The following TDRP variants were observed in gnomAD, a reference collection of about 807,000 sequenced individuals.
TDRP encodes the protein testis development related protein.
A neutral mutation model predicts 10.5 loss-of-function variants in TDRP; 12 were observed. The ratio of observed to expected loss-of-function variants is 1.15; its 90% CI spans 0.73 to 1.86. The LOEUF (loss-of-function observed/expected upper bound fraction) is 1.86. Among genes scored for constraint, TDRP ranks in the 40% most tolerant of loss-of-function variants. The pLI, the probability that TDRP is intolerant of heterozygous loss-of-function variation, is 0.00. For missense variants in TDRP, 353 were observed against 229.2 expected, an observed-to-expected ratio of 1.54 and a Z score of -3.49; for synonymous variants, 139 against 95.4, an observed-to-expected ratio of 1.46 and a Z score of -2.67.
intron 1 of TDRP, among the ~76,000 whole-genome samples, chr8:497,777 T>C (rs1801175541): frequency 6.6e-6 from 1 of 152,094 alleles, no homozygotes; most frequent in African/African-American, 2.4e-5. Context: ...GAAAAATGGT[T>C]TTCTGGGCCA....
chr8:500,569 T>C (rs925177361), intron 1 of TDRP, among the ~76,000 whole-genome samples: 3 of 152,232 alleles, frequency 2.0e-5, no homozygotes, highest in Non-Finnish European at 2.9e-5. Context: ...ATCTCACAAT[T>C]TGTAATCTTG....
At chr8:514,885 G>A (rs796440331) in intron 1 of TDRP, among the ~76,000 whole-genome samples, 50 of 152,240 alleles carry the variant, frequency 3.3e-4, no homozygotes, top group African/African-American at 1.1e-3. Context: ...TTCTTTCACG[G>A]GGAGGGCTAC....
At position 492,014 on chromosome 8, in the gene TDRP, G is replaced by A. The variant is rs780160356; in HGVS notation, c.*385C>T. 7 of 1,109,652 alleles carry A rather than the reference G, an allele frequency of 6.3e-6. No homozygotes were observed. The East Asian group carries it at 1.7e-4, about 26-fold the overall frequency. The allele number at this position is 1,109,652 out of a possible 1,614,324, so 68.7% of individuals were successfully genotyped here. A position where few individuals can be genotyped will look rare whatever the true frequency, so the allele number is the denominator to read the frequency against. ...AACTGCATGACAGCTGCATTTATAC[G>A]TGCTACATACAAGAAAAAGGTACGG... On this transcript the variant is annotated 3_prime_UTR_variant, in exon 3 of 3. Transcript: ENST00000324079.
chr8:525,461 T>G (rs1802010792), intron 1 of TDRP, among the ~76,000 whole-genome samples: 1 of 152,204 alleles, frequency 6.6e-6, no homozygotes, highest in African/African-American at 2.4e-5. Flanking sequence ...CTTATGTAGT[T>G]TATACTTTAA....
intron 1 of TDRP, among the ~76,000 whole-genome samples, chr8:506,958 G>C (rs534626788): frequency 6.6e-6 from 1 of 152,144 alleles, no homozygotes; most frequent in South Asian, 2.1e-4. Flanking sequence ...ATAATACCTG[G>C]GACTGGGTAA....
intron 1 of TDRP, among the ~76,000 whole-genome samples, chr8:531,963 A>C (rs1464511801): frequency 6.6e-6 from 1 of 152,168 alleles, no homozygotes. Context: ...TGCGTAATAA[A>C]ATCTCCTGAC....
At chr8:517,286 G>T (rs1474529636) in intron 1 of TDRP, among the ~76,000 whole-genome samples, 1 of 152,090 alleles carries the variant, frequency 6.6e-6, no homozygotes, top group Admixed American at 6.5e-5. Context: ...CACATATTTT[G>T]GAATGGCCCT....
At chr8:515,575 T>A (rs1447767472) in intron 1 of TDRP, among the ~76,000 whole-genome samples, 2 of 152,208 alleles carry the variant, frequency 1.3e-5, no homozygotes, top group African/African-American at 4.8e-5. Context: ...ATTTCACATT[T>A]TTAGATTAGA....
chr8:508,571 G>T (rs1801528865), intron 1 of TDRP, among the ~76,000 whole-genome samples: 1 of 152,128 alleles, frequency 6.6e-6, no homozygotes, highest in South Asian at 2.1e-4. Flanking sequence ...CACAAGAATA[G>T]CATGCGGGAA....
At chr8:527,919 C>T (rs942634416) in intron 1 of TDRP, among the ~76,000 whole-genome samples, 1 of 152,064 alleles carries the variant, frequency 6.6e-6, no homozygotes, top group Non-Finnish European at 1.5e-5. Context: ...GGGATCACAT[C>T]AAATTAGAAA....
intron 1 of TDRP, among the ~76,000 whole-genome samples, chr8:539,756 G>C (rs57186097): frequency 0.011 from 1,650 of 152,202 alleles, 23 homozygotes; most frequent in African/African-American, 0.038. Flanking sequence ...TCGTCAATAC[G>C]TTACTCCACT....
chr8:537,718 T>C (rs371756573), intron 1 of TDRP, among the ~76,000 whole-genome samples: 2 of 152,172 alleles, frequency 1.3e-5, no homozygotes, highest in African/African-American at 4.8e-5. Flanking sequence ...GTCTCACAAC[T>C]ACCTGAAACA....
intron 1 of TDRP, among the ~76,000 whole-genome samples, chr8:542,442 T>TG (rs141293259): frequency 4.0e-5 from 6 of 151,736 alleles, no homozygotes; most frequent in Admixed American, 1.3e-4. Context: ...GTGATGATAG[T>TG]GGGGGGCTGG....
intron 1 of TDRP, among the ~76,000 whole-genome samples, chr8:521,423 C>CA (rs1040505806): frequency 1.3e-5 from 2 of 151,646 alleles, no homozygotes; most frequent in African/African-American, 4.8e-5. Flanking sequence ...TCCCAAAAAA[C>CA]AAAAAAAGAT....
At chr8:500,019 T>C (rs1390999674) in intron 1 of TDRP, among the ~76,000 whole-genome samples, 4 of 152,130 alleles carry the variant, frequency 2.6e-5, no homozygotes, top group Non-Finnish European at 5.9e-5. Context: ...AGAAGAATGA[T>C]GGTAAAACAT....
chr8:494,923 T>A, intron 1 of TDRP: 1 of 203,904 alleles, frequency 4.9e-6, no homozygotes, highest in Non-Finnish European at 1.0e-5. Context: ...AAATAAGAAT[T>A]AGGTCTCCTT....
At chr8:541,988 A>G (rs779549493) in intron 1 of TDRP, among the ~76,000 whole-genome samples, 3 of 152,242 alleles carry the variant, frequency 2.0e-5, no homozygotes, top group East Asian at 1.9e-4. Context: ...ATGTTTATTC[A>G]TAATTGCCAA....
At chr8:520,224 G>A (rs1211803478) in intron 1 of TDRP, among the ~76,000 whole-genome samples, 3 of 152,218 alleles carry the variant, frequency 2.0e-5, no homozygotes, top group Admixed American at 6.5e-5. Context: ...TTTGTGCCTC[G>A]CTTATTTCAT....
chr8:496,593 A>C (rs1339269309), intron 1 of TDRP, among the ~76,000 whole-genome samples: 1 of 152,154 alleles, frequency 6.6e-6, no homozygotes, highest in African/African-American at 2.4e-5. Flanking sequence ...GCTGTGTCCC[A>C]ACACCACAAG....
Sources: allele counts gnomAD v4.1 joint callset (sites outside exome capture counted in the v4.1 genomes callset), GRCh38; gene constraint gnomAD v4.1.1; transcripts MANE v1.5; gene names NCBI Gene and HGNC (gene_info 2026-07-23, HGNC 2026-07-21).